The following PRMT8 variants were observed in gnomAD, a reference collection of about 807,000 sequenced individuals.
PRMT8 encodes the protein protein arginine methyltransferase 8, also known as protein arginine N-methyltransferase 8.
A neutral mutation model predicts 47.1 loss-of-function variants in PRMT8; 7 were observed. That is an observed-to-expected ratio of 0.15 (90% CI 0.08 to 0.28). The LOEUF (loss-of-function observed/expected upper bound fraction) is 0.28. PRMT8 is among the 10% of genes least tolerant of loss of function. The probability of loss-of-function intolerance (pLI) is 1.00; values close to 1 mark genes in which losing one functional copy is unlikely to be tolerated. For synonymous variants in PRMT8, 188 were observed against 186.5 expected (o/e 1.01, Z -0.07); for missense variants, 237 against 505.4 (o/e 0.47, Z 5.09).
chr12:3,490,706 AGAGAGAGAGAG>A (rs1163628878), upstream of PRMT8, among the ~76,000 whole-genome samples: 1 of 146,924 alleles, frequency 6.8e-6, no homozygotes, highest in Non-Finnish European at 1.5e-5. Context: ...AGAGAGAGAG[AGAGAGAGAGAG>A]AGAAAAGGAT....
intron 2 of PRMT8, among the ~76,000 whole-genome samples, chr12:3,544,554 A>AC (rs1866294075): frequency 6.6e-6 from 1 of 152,116 alleles, no homozygotes; most frequent in African/African-American, 2.4e-5. Context: ...GAAGTGGGGG[A>AC]CCGCCTAATG....
Position 3,472,610 on chromosome 12 carries a change from C to G in PRMT8, c.49-67996C>G, listed in dbSNP as rs200399472. ...AGTTCTTTGGGAAGTCCAAGTGACT[C>G]TGTGTTTTCTAGCACAGGGCCTGAC... On this transcript the variant is annotated intron_variant, in intron 1 of 9. Transcript: ENST00000452611. Among the ~76,000 whole-genome samples the G allele has an allele frequency of 3.9e-5, 6 of 152,298 alleles. No individual in the cohort carries two copies. In the East Asian group the frequency reaches 9.7e-4, roughly 25 times the overall value.
chr12:3,568,365 G>A (rs967483182), intron 4 of PRMT8, among the ~76,000 whole-genome samples: 9 of 145,622 alleles, frequency 6.2e-5, no homozygotes, highest in African/African-American at 1.9e-4. Flanking sequence ...AAAAATCTGC[G>A]TGTTCGTGGA....
intron 7 of PRMT8, 108 bp from the exon 8 acceptor site, chr12:3,582,950 C>A: frequency 7.5e-7 from 1 of 1,338,470 alleles, no homozygotes; most frequent in Non-Finnish European, 1.0e-6. Flanking sequence ...AAAGATATCC[C>A]TCAGAGAGCT....
chr12:3,576,801 G>A lies in PRMT8; in HGVS notation c.713-70G>A, dbSNP rs1001266164. The A allele has an allele frequency of 8.2e-7, 1 of 1,223,866 alleles. No individual in the cohort carries two copies. The highest frequency in any genetic ancestry group is 1.2e-6 in the Non-Finnish European group (1 of 833,746). 75.8% of individuals were successfully genotyped at this position (1,223,866 alleles called of 1,614,324 possible). A position where few individuals can be genotyped will look rare whatever the true frequency, so the allele number is the denominator to read the frequency against. Reference sequence around the variant, plus strand: ...CAGCCCTCAGGCACGCTGTGCTCTAGGACTCAGGAGGGTTGGGTGAGCTTC... The same window carrying A: ...CAGCCCTCAGGCACGCTGTGCTCTAAGACTCAGGAGGGTTGGGTGAGCTTC... On this transcript the variant is annotated intron_variant, in intron 6 of 9. Coordinates refer to ENST00000382622, the MANE Select transcript of PRMT8 (RefSeq NM_019854.5). The surrounding 1 kb of genome is among the most constrained non-coding windows in gnomAD (Gnocchi z 4.0).
chr12:3,432,576 G>A (rs1227939125), intron 1 of PRMT8, among the ~76,000 whole-genome samples: 1 of 152,010 alleles, frequency 6.6e-6, no homozygotes, highest in East Asian at 1.9e-4. Context: ...AGGGCTGGAG[G>A]GAGGAGACAG....
In PRMT8 at chr12:3,532,218, A is replaced by G. The variant is rs1437047339; in HGVS notation, c.76-8388A>G. On this transcript the variant is annotated intron_variant, in intron 1 of 9. Transcript: ENST00000382622. ...TCACAGCCATAAATGTGATAGTAGTAGATGCCCTAATTCCTCTTAGAAATT... is the reference window on the plus strand; with the variant it reads ...TCACAGCCATAAATGTGATAGTAGTGGATGCCCTAATTCCTCTTAGAAATT... 2.6e-5 allele frequency among the ~76,000 whole-genome samples: 4 copies of G among 151,006 alleles called. No homozygotes were observed. The East Asian group carries it at 7.7e-4, about 29-fold the overall frequency.
chr12:3,516,764 T>C (rs997358230), intron 1 of PRMT8, among the ~76,000 whole-genome samples: 1 of 152,170 alleles, frequency 6.6e-6, no homozygotes, highest in Non-Finnish European at 1.5e-5. Flanking sequence ...CCTGCTTCGA[T>C]AGCCGATGCT....
chr12:3,494,473 C>T (rs1865474144), intron 1 of PRMT8, among the ~76,000 whole-genome samples: 1 of 152,178 alleles, frequency 6.6e-6, no homozygotes, highest in African/African-American at 2.4e-5. Flanking sequence ...ACACAGACTG[C>T]CCCCACTTCT....
intron 1 of PRMT8, among the ~76,000 whole-genome samples, chr12:3,507,270 C>T (rs1006060268): frequency 1.3e-4 from 20 of 152,008 alleles, no homozygotes; most frequent in South Asian, 4.2e-4. Context: ...TCCAGGTGCC[C>T]GCCACTGCGC....
intron 1 of PRMT8, among the ~76,000 whole-genome samples, chr12:3,450,203 A>C (rs1362861563): frequency 6.6e-6 from 1 of 152,168 alleles, no homozygotes; most frequent in Non-Finnish European, 1.5e-5. Flanking sequence ...GTGGTTTCTT[A>C]AATGTTTGTT....
At chr12:3,559,201 A>G (rs1866587830) in intron 4 of PRMT8, among the ~76,000 whole-genome samples, 1 of 152,146 alleles carries the variant, frequency 6.6e-6, no homozygotes, top group African/African-American at 2.4e-5. Context: ...CACTGATGCC[A>G]TTCCAGCTGG....
Position 3,568,652 on chromosome 12 carries a change from T to G in PRMT8, c.482-54T>G. On this transcript the variant is annotated intron_variant, in intron 4 of 9. Transcript: ENST00000382622. ...ATCTGGCCCTGAAGTGAGGTGCTTG[T>G]GGTTCCTGGGTGGGGTCCCTGCAAA... 8 of 1,607,728 alleles carry G rather than the reference T, an allele frequency of 5.0e-6. No homozygotes were observed. In the South Asian group the frequency reaches 8.9e-5, roughly 18 times the overall value.
intron 1 of PRMT8, among the ~76,000 whole-genome samples, chr12:3,467,882 T>C (rs1179447908): frequency 6.6e-6 from 1 of 152,162 alleles, no homozygotes. Context: ...GCCTCCCAGC[T>C]GTGGGCCACC....
At chr12:3,539,899 CA>C (rs1205561124) in intron 1 of PRMT8, among the ~76,000 whole-genome samples, 1 of 152,172 alleles carries the variant, frequency 6.6e-6, no homozygotes, top group African/African-American at 2.4e-5. Flanking sequence ...TAGGAGACAC[CA>C]GAACCTAAGA....
At chr12:3,585,322 C>T (rs7978349) in intron 8 of PRMT8, among the ~76,000 whole-genome samples, 12,858 of 141,544 alleles carry the variant, frequency 0.091, 667 homozygotes, top group Non-Finnish European at 0.13. Context: ...TCTTTACTTC[C>T]AGAAGCCATG....
At chr12:3,388,876 C>A (rs184037873) in intron 1 of PRMT8, among the ~76,000 whole-genome samples, 1 of 152,298 alleles carries the variant, frequency 6.6e-6, no homozygotes, top group East Asian at 1.9e-4. Flanking sequence ...TTCCCAAGCA[C>A]TTTTTTTCCC....
chr12:3,568,642 G>A (rs1420164271), intron 4 of PRMT8, 64 bp from the exon 5 acceptor site: 2 of 1,592,786 alleles, frequency 1.3e-6, no homozygotes, highest in African/African-American at 1.3e-5. Flanking sequence ...GCCCTGAAGT[G>A]AGGTGCTTGT....
Position 3,552,922 on chromosome 12 carries a change from C to T in PRMT8, c.418-729C>T. ...AGGACGGCTCTTGGCAGCTGCCCCT[C>T]CATGTCCAGAACCCCTGGCAGTGTG... On this transcript the variant is annotated intron_variant, in intron 3 of 9. Transcript: ENST00000382622. This position sits in a 1 kb window ranked among gnomAD's most constrained non-coding sequence, Gnocchi z 4.5. 1 of 368,112 alleles carries T rather than the reference C, an allele frequency of 2.7e-6. No individual in the cohort carries two copies. Among genetic ancestry groups the T allele is most frequent in the South Asian group, 2.0e-5 (1 of 49,936 alleles). The allele number at this position is 368,112 out of a possible 1,614,324, so 22.8% of individuals were successfully genotyped here. A position where few individuals can be genotyped will look rare whatever the true frequency, so the allele number is the denominator to read the frequency against.
Sources: gnomAD v4.1 joint callset for allele counts (sites outside exome capture counted in the v4.1 genomes callset) on GRCh38, gnomAD v4.1.1 for gene constraint, Gnocchi (gnomAD v3.1) non-coding constraint, MANE v1.5 for transcripts, NCBI Gene and HGNC (gene_info 2026-07-23, HGNC 2026-07-21) for gene names.